Variants in SUPT3H observed in about 807,000 individuals in gnomAD.
The protein encoded by SUPT3H is transcription initiation protein SPT3 homolog.
A neutral mutation model predicts 44.3 loss-of-function variants in SUPT3H; 44 were observed. That is an observed-to-expected ratio of 0.99 (90% confidence interval 0.78 to 1.28). SUPT3H has a LOEUF of 1.28. Ranked by LOEUF, SUPT3H falls within the 50% of genes most tolerant of loss-of-function variation. SUPT3H has a pLI of 0.00. For synonymous variants in SUPT3H, 124 were observed against 125.6 expected, an observed-to-expected ratio of 0.99 and a Z score of 0.09; for missense variants, 380 against 387.1, an observed-to-expected ratio of 0.98 and a Z score of 0.15.
At chr6:45,308,091 C>T (rs909121261) in intron 2 of SUPT3H, among the ~76,000 whole-genome samples, 8 of 152,240 alleles carry the variant, frequency 5.3e-5, no homozygotes, top group Admixed American at 1.3e-4. Flanking sequence ...GCAAAGCCTC[C>T]AAGAAATATG....
chr6:45,051,327 A>G (rs1790269489), intron 3 of SUPT3H, among the ~76,000 whole-genome samples: 2 of 152,144 alleles, frequency 1.3e-5, no homozygotes, highest in African/African-American at 4.8e-5. Flanking sequence ...AAGGCCTGTT[A>G]TATTTCCTCA....
intron 2 of SUPT3H, among the ~76,000 whole-genome samples, chr6:45,239,093 T>C (rs534163935): frequency 3.9e-5 from 6 of 152,308 alleles, no homozygotes; most frequent in East Asian, 1.9e-4. Flanking sequence ...GTAGCTGTAA[T>C]TGAGGTATTG....
intron 2 of SUPT3H, among the ~76,000 whole-genome samples, chr6:45,235,307 G>A (rs564158471): frequency 6.6e-6 from 1 of 152,068 alleles, no homozygotes; most frequent in African/African-American, 2.4e-5. Context: ...TACTGATAAG[G>A]ACAATCTCCA....
Position 45,290,705 on chromosome 6 carries a change from C to T in SUPT3H, c.101+74496G>A, listed in dbSNP as rs1270341726. On this transcript the variant is annotated intron_variant, in intron 2 of 10. Transcript: ENST00000371459. ...GAGTTAGACCAGGTATCAGGTCTATCCAATTCCGAATTATTTCTAAACTAT... is the reference window on the plus strand; with the variant it reads ...GAGTTAGACCAGGTATCAGGTCTATTCAATTCCGAATTATTTCTAAACTAT... Among the ~76,000 whole-genome samples, 4 of 152,128 alleles carry T rather than the reference C, an allele frequency of 2.6e-5. No individual in the cohort carries two copies. In the South Asian group the frequency reaches 6.2e-4, roughly 24 times the overall value.
intron 6 of SUPT3H, among the ~76,000 whole-genome samples, chr6:45,002,603 G>C (rs1782153447): frequency 6.6e-6 from 1 of 152,006 alleles, no homozygotes; most frequent in African/African-American, 2.4e-5. Flanking sequence ...TTTATCATCT[G>C]CTTTGGACAA....
intron 2 of SUPT3H, among the ~76,000 whole-genome samples, chr6:45,284,755 T>A (rs1778890529): frequency 6.6e-6 from 1 of 152,164 alleles, no homozygotes; most frequent in African/African-American, 2.4e-5. Context: ...GAGGCCAGCA[T>A]CATCCTGATA....
chr6:45,238,443 T>C (rs1769621138), intron 2 of SUPT3H, among the ~76,000 whole-genome samples: 1 of 152,218 alleles, frequency 6.6e-6, no homozygotes, highest in African/African-American at 2.4e-5. Flanking sequence ...GCCCATGCCA[T>C]GAGTAATCTA....
intron 2 of SUPT3H, among the ~76,000 whole-genome samples, chr6:45,260,748 C>T (rs568702676): frequency 9.7e-4 from 148 of 152,190 alleles, no homozygotes; most frequent in African/African-American, 2.9e-3. Flanking sequence ...AATCCTTACA[C>T]GAATTGCCTA....
chr6:45,321,904 T>A, intron 2 of SUPT3H: 1 of 1,431,092 alleles, frequency 7.0e-7, no homozygotes, highest in Non-Finnish European at 9.6e-7. Context: ...AGAAAAAAAA[T>A]TGTAATCTCA....
chr6:45,327,545 C>T (rs1415012997), intron 2 of SUPT3H, among the ~76,000 whole-genome samples: 1 of 151,870 alleles, frequency 6.6e-6, no homozygotes, highest in Non-Finnish European at 1.5e-5. Context: ...TCAAACTAGG[C>T]ATGAGATAAT....
chr6:45,038,614 C>T (rs9472427), intron 3 of SUPT3H, among the ~76,000 whole-genome samples: 17,847 of 152,102 alleles, frequency 0.12, 1,238 homozygotes, highest in African/African-American at 0.19. Flanking sequence ...TATATGTAAA[C>T]AGGAAAGACT....
At chr6:45,228,041 C>T (rs1032301073) in intron 2 of SUPT3H, among the ~76,000 whole-genome samples, 8 of 151,978 alleles carry the variant, frequency 5.3e-5, no homozygotes, top group African/African-American at 1.7e-4. Context: ...CAGAGCAATG[C>T]TATGGCAATA....
At chr6:44,921,314 A>G (rs1244921759) in intron 10 of SUPT3H, among the ~76,000 whole-genome samples, 3 of 152,210 alleles carry the variant, frequency 2.0e-5, no homozygotes, top group Admixed American at 6.5e-5. Context: ...CTTTCATTCT[A>G]TCAGGAAGGC....
At chr6:45,300,514 C>T (rs1463182871) in intron 2 of SUPT3H, among the ~76,000 whole-genome samples, 1 of 152,176 alleles carries the variant, frequency 6.6e-6, no homozygotes, top group Non-Finnish European at 1.5e-5. Flanking sequence ...TGGAAAACAG[C>T]TGGCAAGTAC....
intron 2 of SUPT3H, among the ~76,000 whole-genome samples, chr6:45,150,685 C>T (rs1291988447): frequency 6.6e-6 from 1 of 150,742 alleles, no homozygotes; most frequent in Non-Finnish European, 1.5e-5. Flanking sequence ...GATTCTCAGA[C>T]CAACTTCTAC....
rs529841099 is a variant in SUPT3H, at chr6:44,939,608, A to T, written c.802-6845T>A. 3.3e-5 allele frequency among the ~76,000 whole-genome samples: 5 copies of T among 152,108 alleles called. No homozygotes were observed. In the South Asian group the frequency reaches 1.0e-3, roughly 32 times the overall value. On this transcript the variant is annotated intron_variant, in intron 9 of 10. Transcript: ENST00000371459. ...TTTATGGAGAATTCCCTACTCCTTAATTTTTTGGGGCAGGTTCAGGAGGAC... is the reference window on the plus strand; with the variant it reads ...TTTATGGAGAATTCCCTACTCCTTATTTTTTTGGGGCAGGTTCAGGAGGAC...
At chr6:45,134,541 G>A (rs1225640357) in intron 2 of SUPT3H, among the ~76,000 whole-genome samples, 1 of 152,134 alleles carries the variant, frequency 6.6e-6, no homozygotes, top group Non-Finnish European at 1.5e-5. Context: ...ATATGGGTGA[G>A]ACTCAAGGCA....
intron 2 of SUPT3H, among the ~76,000 whole-genome samples, chr6:45,262,665 AT>A (rs1394225023): frequency 2.0e-5 from 3 of 152,210 alleles, no homozygotes; most frequent in African/African-American, 7.2e-5. Flanking sequence ...GTGGAATCTA[AT>A]TAAACTTCTG....
At chr6:45,366,771 C>T (rs1372657888) in intron 1 of SUPT3H, among the ~76,000 whole-genome samples, 1 of 152,158 alleles carries the variant, frequency 6.6e-6, no homozygotes, top group East Asian at 1.9e-4. Context: ...CCTTTGACTC[C>T]TTCTCCTGCA....
Sources: gnomAD v4.1 joint callset for allele counts (sites outside exome capture counted in the v4.1 genomes callset) on GRCh38, gnomAD v4.1.1 for gene constraint, MANE v1.5 for transcripts, NCBI Gene and HGNC (gene_info 2026-07-23, HGNC 2026-07-21) for gene names.